The following LARGE1 variants were observed in gnomAD, a reference collection of about 807,000 sequenced individuals.
The protein encoded by LARGE1 is xylosyl- and glucuronyltransferase LARGE1.
A neutral mutation model predicts 87.6 loss-of-function variants in LARGE1; 43 were observed. That is an observed-to-expected ratio of 0.49 (90% CI 0.38 to 0.63). The LOEUF (loss-of-function observed/expected upper bound fraction) is 0.63, where lower values mean the gene tolerates loss of function less well. Ranked by LOEUF, LARGE1 falls within the 30% of genes least tolerant of loss-of-function variation. LARGE1 has a pLI of 0.00. For missense variants in LARGE1, 802 were observed against 1,000.2 expected (o/e 0.80, Z 2.67); for synonymous variants, 434 against 394.6 (o/e 1.10, Z -1.18).
chr22:33,630,453 T>A (rs1331448202), intron 3 of LARGE1, among the ~76,000 whole-genome samples: 1 of 152,176 alleles, frequency 6.6e-6, no homozygotes, highest in Admixed American at 6.5e-5. Context: ...ACAACACACA[T>A]AGGCTATATA....
Position 33,223,887 on chromosome 22 carries a change from C to T in LARGE1, c.1731-57055G>A, listed in dbSNP as rs557996024. Reference sequence around the variant, plus strand: ...TTTGCTATAGGACAGTCAGTCAATCCCAAACAATTCACAAATGCTCACCCA... The same window carrying T: ...TTTGCTATAGGACAGTCAGTCAATCTCAAACAATTCACAAATGCTCACCCA... On this transcript the variant is annotated intron_variant, in intron 11 of 11. Transcript: ENST00000608642. Among the ~76,000 whole-genome samples, 5 of 152,246 alleles carry T rather than the reference C, an allele frequency of 3.3e-5. No homozygotes were observed. The East Asian group carries it at 9.7e-4, about 29-fold the overall frequency.
chr22:33,509,886 A>ATGTT (rs2070972449), intron 6 of LARGE1, among the ~76,000 whole-genome samples: 1 of 152,216 alleles, frequency 6.6e-6, no homozygotes, highest in African/African-American at 2.4e-5. Flanking sequence ...TGAGCGGTGC[A>ATGTT]TGTTTACCTG....
intron 1 of LARGE1, among the ~76,000 whole-genome samples, chr22:33,819,440 A>G (rs2086754339): frequency 6.6e-6 from 1 of 151,852 alleles, no homozygotes; most frequent in Non-Finnish European, 1.5e-5. Flanking sequence ...CTTGCCAACT[A>G]CGTCACCATC....
intron 7 of LARGE1, among the ~76,000 whole-genome samples, chr22:33,416,268 G>A (rs977634471): frequency 3.9e-5 from 6 of 152,262 alleles, no homozygotes; most frequent in South Asian, 4.1e-4. Context: ...AAAAACCACC[G>A]TGTGTGCTGC....
chr22:33,661,130 C>T (rs73400752), intron 2 of LARGE1, among the ~76,000 whole-genome samples: 2,776 of 152,002 alleles, frequency 0.018, 84 homozygotes, highest in African/African-American at 0.064. Context: ...GAAAACTATC[C>T]TTTTCTCACT....
chr22:33,519,254 G>GTGTT (rs2071457296), intron 6 of LARGE1, among the ~76,000 whole-genome samples: 1 of 152,000 alleles, frequency 6.6e-6, no homozygotes, highest in Non-Finnish European at 1.5e-5. Flanking sequence ...GTGTGTGTGT[G>GTGTT]TGTGGTCACA....
chr22:33,597,854 G>C (rs982233849), intron 5 of LARGE1, among the ~76,000 whole-genome samples: 1 of 152,110 alleles, frequency 6.6e-6, no homozygotes, highest in Non-Finnish European at 1.5e-5. Context: ...CTGAAAACTG[G>C]CAAGAAATGT....
At chr22:33,909,388 C>T (rs913859845) in intron 1 of LARGE1, among the ~76,000 whole-genome samples, 3 of 152,164 alleles carry the variant, frequency 2.0e-5, no homozygotes, top group Admixed American at 1.3e-4. Context: ...CATCTCTCCC[C>T]GCTTCAATTT....
At chr22:33,144,245 T>C in the LARGE1 span, among the ~76,000 whole-genome samples, 18 of 152,146 alleles carry the variant, frequency 1.2e-4, no homozygotes, top group African/African-American at 2.9e-4. Flanking sequence ...CTAAAAGTTA[T>C]GGTTACTGAC....
At chr22:33,660,770 T>G (rs1344776235) in intron 2 of LARGE1, among the ~76,000 whole-genome samples, 1 of 152,254 alleles carries the variant, frequency 6.6e-6, no homozygotes. Flanking sequence ...GGCTATTTAC[T>G]ATAAAATCAA....
intron 9 of LARGE1, among the ~76,000 whole-genome samples, chr22:33,339,154 TA>T (rs1182760420): frequency 0.056 from 5,575 of 99,128 alleles, 263 homozygotes; most frequent in African/African-American, 0.17. Flanking sequence ...TCTCAAAAAA[TA>T]AAAAAAAAAA....
chr22:33,708,067 AC>A (rs1830220690), intron 2 of LARGE1, among the ~76,000 whole-genome samples: 1 of 152,104 alleles, frequency 6.6e-6, no homozygotes, highest in Admixed American at 6.6e-5. Flanking sequence ...CCCAAATATC[AC>A]CCAGAAGGAC....
At chr22:33,097,139 C>A in the LARGE1 span, among the ~76,000 whole-genome samples, 5 of 152,274 alleles carry the variant, frequency 3.3e-5, no homozygotes, top group African/African-American at 1.2e-4. Context: ...CCTGAGACAC[C>A]AGATGGATGA....
At chr22:33,586,982 T>C (rs1359520255) in intron 5 of LARGE1, among the ~76,000 whole-genome samples, 2 of 152,224 alleles carry the variant, frequency 1.3e-5, no homozygotes, top group African/African-American at 4.8e-5. Context: ...TAAATAATTA[T>C]ATAACTACAC....
chr22:33,311,911 G>T (rs1006373624), intron 11 of LARGE1, among the ~76,000 whole-genome samples: 3 of 152,162 alleles, frequency 2.0e-5, no homozygotes, highest in African/African-American at 7.2e-5. Context: ...GATGTTAAGT[G>T]ACTTGCCCAG....
chr22:33,148,204 C>A, the LARGE1 span, among the ~76,000 whole-genome samples: 1 of 152,076 alleles, frequency 6.6e-6, no homozygotes, highest in Admixed American at 6.6e-5. Context: ...GAGCCTGGAG[C>A]CAAATAAACT....
At chr22:33,644,783 C>A (rs1009478096) in intron 3 of LARGE1, among the ~76,000 whole-genome samples, 5 of 152,036 alleles carry the variant, frequency 3.3e-5, no homozygotes, top group Non-Finnish European at 7.4e-5. Context: ...AAACAGAGAG[C>A]CAAATCATGA....
chr22:33,763,422 C>A (rs1337625592), intron 1 of LARGE1, among the ~76,000 whole-genome samples: 1 of 152,142 alleles, frequency 6.6e-6, no homozygotes, highest in South Asian at 2.1e-4. Context: ...AAAGCAAAAT[C>A]CTTTTGAACA....
chr22:33,771,876 C>A (rs2085077447), intron 1 of LARGE1, among the ~76,000 whole-genome samples: 1 of 152,222 alleles, frequency 6.6e-6, no homozygotes, highest in South Asian at 2.1e-4. Flanking sequence ...AACAGCTCAT[C>A]TTGGGCAATC....
Sources: allele counts gnomAD v4.1 joint callset (sites outside exome capture counted in the v4.1 genomes callset), GRCh38; gene constraint gnomAD v4.1.1; transcripts MANE v1.5; gene names NCBI Gene and HGNC (gene_info 2026-07-23, HGNC 2026-07-21).